Variants in NHS observed in about 807,000 individuals in gnomAD.
NHS encodes NHS actin remodeling regulator.
NHS carries 5 observed loss-of-function variants against 72.5 expected under a neutral mutation model. The ratio of observed to expected loss-of-function variants is 0.07; its 90% CI spans 0.04 to 0.14. NHS has a LOEUF of 0.14. Among genes scored for constraint, NHS ranks in the 10% least tolerant of loss-of-function variants. The pLI, the probability that NHS is intolerant of heterozygous loss-of-function variation, is 1.00. For synonymous variants in NHS, 464 were observed against 547.7 expected, an observed-to-expected ratio of 0.85 and a Z score of 2.13; for missense variants, 1,072 against 1,355.7, an observed-to-expected ratio of 0.79 and a Z score of 3.29.
intron 1 of NHS, among the ~76,000 whole-genome samples, chrX:17,447,512 T>C (rs983661619): frequency 1.3e-4 from 14 of 111,232 alleles, no homozygotes; most frequent in Non-Finnish European, 1.9e-5. Flanking sequence ...TAGTTTTTAT[T>C]AGTGATGCTA....
chrX:17,445,431 A>G (rs777434758), intron 1 of NHS, among the ~76,000 whole-genome samples: 1 of 111,368 alleles, frequency 9.0e-6, no homozygotes, highest in South Asian at 3.8e-4. Context: ...TTTGTGCTAA[A>G]TGATTTTTTG....
intron 1 of NHS, among the ~76,000 whole-genome samples, chrX:17,495,207 C>T (rs927096453): frequency 7.2e-5 from 8 of 111,727 alleles, no homozygotes; most frequent in Admixed American, 4.8e-4. Context: ...CGGGGCTTGT[C>T]CCAACAGAAC....
intron 1 of NHS, among the ~76,000 whole-genome samples, chrX:17,682,324 T>G (rs2066135094): frequency 9.0e-6 from 1 of 111,570 alleles, no homozygotes; most frequent in South Asian, 3.8e-4. Context: ...ACAAACTGGC[T>G]ATGTATCTGT....
intron 1 of NHS, among the ~76,000 whole-genome samples, chrX:17,657,634 G>C (rs760901124): frequency 8.9e-6 from 1 of 112,658 alleles, no homozygotes; most frequent in African/African-American, 3.2e-5. Flanking sequence ...CAGCAGCTCT[G>C]AGAAGCCTCA....
At chrX:17,555,912 A>G (rs899727967) in intron 1 of NHS, among the ~76,000 whole-genome samples, 1 of 111,946 alleles carries the variant, frequency 8.9e-6, no homozygotes, top group African/African-American at 3.2e-5. Flanking sequence ...AGAAAATTAC[A>G]TTTGAAATAA....
intron 1 of NHS, among the ~76,000 whole-genome samples, chrX:17,607,152 C>A (rs2065684751): frequency 9.0e-6 from 1 of 111,041 alleles, no homozygotes; most frequent in Admixed American, 9.6e-5. Context: ...AGGGTTGGGG[C>A]AGTTTGAGGG....
intron 1 of NHS, among the ~76,000 whole-genome samples, chrX:17,683,564 C>T (rs2066141750): frequency 9.0e-6 from 1 of 111,232 alleles, no homozygotes; most frequent in South Asian, 3.8e-4. Context: ...GTTCCCATTT[C>T]CTTATCTATA....
chrX:17,567,860 T>G (rs185190911), intron 1 of NHS, among the ~76,000 whole-genome samples: 2 of 110,418 alleles, frequency 1.8e-5, no homozygotes, highest in Non-Finnish European at 3.8e-5. Context: ...AGAGAAAAGA[T>G]AGGGACTAGT....
chrX:17,383,260 A>T (rs2064387639), intron 1 of NHS, among the ~76,000 whole-genome samples: 1 of 111,680 alleles, frequency 9.0e-6, no homozygotes, highest in African/African-American at 3.3e-5. Context: ...TTTAATCTTT[A>T]AACTGTGAAG....
intron 1 of NHS, among the ~76,000 whole-genome samples, chrX:17,512,839 T>C (rs2065096996): frequency 1.8e-5 from 2 of 112,184 alleles, no homozygotes; most frequent in Non-Finnish European, 3.8e-5. Flanking sequence ...GGTTTTATTT[T>C]TTAAGTGGCC....
At position 17,481,969 on chromosome X, in the gene NHS, CTG is replaced by C. The variant is rs199646189; in HGVS notation, c.565+105653_565+105654del. Reference sequence around the variant, plus strand: ...ATTATGTCTATGACATTCATCCATGCTGTGTGTATCAGTACTTCATTTTTAAA... The same window carrying C: ...ATTATGTCTATGACATTCATCCATGCTGTGTATCAGTACTTCATTTTTAAA... On this transcript the variant is annotated intron_variant, in intron 1 of 8. Transcript: ENST00000676302. Among the ~76,000 whole-genome samples the C allele has an allele frequency of 9.9e-3, 1,111 of 112,389 alleles. 16 individuals carry two copies. Among genetic ancestry groups the C allele is most frequent in the African/African-American group, 0.034 (1,056 of 30,943 alleles).
chrX:17,547,628 T>C (rs2065300251), intron 1 of NHS, among the ~76,000 whole-genome samples: 1 of 112,866 alleles, frequency 8.9e-6, no homozygotes, highest in Admixed American at 9.3e-5. Context: ...TGTGATTTAA[T>C]GTTTTCTGTT....
chrX:17,414,205 T>C (rs1015381688), intron 1 of NHS, among the ~76,000 whole-genome samples: 3 of 112,268 alleles, frequency 2.7e-5, no homozygotes, highest in Non-Finnish European at 5.6e-5. Flanking sequence ...GATTGCAGCA[T>C]CTCTGCAAAA....
At chrX:17,498,618 A>G (rs1373845392) in intron 1 of NHS, among the ~76,000 whole-genome samples, 1 of 111,424 alleles carries the variant, frequency 9.0e-6, no homozygotes, top group Non-Finnish European at 1.9e-5. Context: ...CCTTGTTGCT[A>G]TGATGTTGCT....
intron 5 of NHS, among the ~76,000 whole-genome samples, chrX:17,724,019 G>T: frequency 9.0e-6 from 1 of 110,891 alleles, no homozygotes; most frequent in Middle Eastern, 4.7e-3. Context: ...ATGTGAGAGG[G>T]ATTTTTTGGA....
At position 17,687,759 on chromosome X, in the gene NHS, A is replaced by G. The variant is rs1317897726; in HGVS notation, c.583A>G (p.Ile195Val). 1.1e-5 allele frequency: 13 copies of G among 1,211,992 alleles called. No individual in the cohort carries two copies. The highest frequency in any genetic ancestry group is 1.5e-5 in the Non-Finnish European group (13 of 895,565). ...TCTTGCAGCCGTCTCCAACCTGGAC[A>G]TAGAGAGTAAGCTGAGTGTGTACTA... ...QEAVPVSNLD[I>V]ESKLSVYYRA... The change falls in exon 2 of 9, where the codon ATA becomes GTA. Residue 195 changes from isoleucine (I) to valine (V), a missense_variant. Physicochemically the swap from Ile to Val is conservative, Grantham distance 29. Transcript: ENST00000676302.
intron 1 of NHS, among the ~76,000 whole-genome samples, chrX:17,638,552 G>A (rs1394631743): frequency 1.8e-5 from 2 of 112,005 alleles, no homozygotes; most frequent in Admixed American, 9.5e-5. Flanking sequence ...ACAGCATGGT[G>A]TGAGGAAAAT....
chrX:17,600,077 G>T (rs1259443767), intron 1 of NHS, among the ~76,000 whole-genome samples: 2 of 111,665 alleles, frequency 1.8e-5, no homozygotes, highest in African/African-American at 3.3e-5. Context: ...CATTTTCTGG[G>T]CTGGGCAGCT....
chrX:17,629,562 C>A (rs2051076325), intron 1 of NHS, among the ~76,000 whole-genome samples: 1 of 111,642 alleles, frequency 9.0e-6, no homozygotes, highest in Non-Finnish European at 1.9e-5. Context: ...CTCCCCATTT[C>A]TTGACCATGT....
Sources: gnomAD v4.1 joint callset for allele counts (sites outside exome capture counted in the v4.1 genomes callset) on GRCh38, gnomAD v4.1.1 for gene constraint, MANE v1.5 for transcripts, NCBI Gene and HGNC (gene_info 2026-07-23, HGNC 2026-07-21) for gene names.